MNAT1: variants seen among roughly 807,000 people sequenced by gnomAD.
MNAT1 encodes the protein CDK-activating kinase assembly factor MAT1.
In MNAT1, 43 loss-of-function variants were observed where a neutral mutation model predicts 42.0. The ratio of observed to expected loss-of-function variants is 1.02; its 90% CI spans 0.80 to 1.32. The LOEUF (loss-of-function observed/expected upper bound fraction) is 1.32, where lower values mean the gene tolerates loss of function less well. Ranked by LOEUF, MNAT1 falls within the 40% of genes most tolerant of loss-of-function variation. MNAT1 has a pLI of 0.00. For synonymous variants in MNAT1, 118 were observed against 120.0 expected (o/e 0.98, Z 0.11); for missense variants, 306 against 350.4 (o/e 0.87, Z 1.01).
intron 7 of MNAT1, among the ~76,000 whole-genome samples, chr14:60,883,143 A>G (rs2034588797): frequency 6.6e-6 from 1 of 152,078 alleles, no homozygotes; most frequent in Admixed American, 6.6e-5. Context: ...TGTTCCTCAA[A>G]AATCTTTGCC....
chr14:60,882,676 T>G lies in MNAT1; in HGVS notation c.809+2841T>G, dbSNP rs2034578147. 2.6e-5 allele frequency among the ~76,000 whole-genome samples: 4 copies of G among 152,300 alleles called. No individual in the cohort carries two copies. The South Asian group carries it at 8.3e-4, about 32-fold the overall frequency. ...CCTCGAAACTGTTCTCCATACTGGT[T>G]GTACTAATTTACATATCCACCAACA... On this transcript the variant is annotated intron_variant, in intron 7 of 7. Coordinates refer to ENST00000261245, the MANE Select transcript of MNAT1 (RefSeq NM_002431.4).
At chr14:60,909,215 G>A (rs958122872) in intron 7 of MNAT1, among the ~76,000 whole-genome samples, 15 of 151,984 alleles carry the variant, frequency 9.9e-5, no homozygotes, top group African/African-American at 3.1e-4. Flanking sequence ...TGTAGATTCT[G>A]GATATTAGCC....
chr14:60,931,944 T>G (rs754992598), intron 7 of MNAT1, among the ~76,000 whole-genome samples: 28 of 152,022 alleles, frequency 1.8e-4, no homozygotes, highest in Non-Finnish European at 3.2e-4. Flanking sequence ...TTTTGAGAAT[T>G]AAGTGTGTTA....
intron 7 of MNAT1, among the ~76,000 whole-genome samples, chr14:60,909,428 G>T (rs1349564773): frequency 6.6e-6 from 1 of 152,074 alleles, no homozygotes; most frequent in Non-Finnish European, 1.5e-5. Context: ...TATTGCCTAG[G>T]TTTTCTTCTA....
intron 7 of MNAT1, among the ~76,000 whole-genome samples, chr14:60,903,970 C>G (rs2035135609): frequency 6.8e-6 from 1 of 147,264 alleles, no homozygotes; most frequent in Non-Finnish European, 1.5e-5. Context: ...CTCCCACGTT[C>G]AAGCAATTCT....
rs570831151 is a variant in MNAT1, at chr14:60,834,836, G to A, written c.687+15989G>A. On this transcript the variant is annotated intron_variant, in intron 6 of 7. Transcript: ENST00000261245. ...GTAGGTCTCTAAGAACTTGCTTTAT[G>A]AATCTGGGTGCTCCTATATTGGGTG... is the stretch of plus-strand genomic sequence containing the variant. 1.7e-3 allele frequency among the ~76,000 whole-genome samples: 255 copies of A among 152,218 alleles called. 1 individual carries two copies. Among genetic ancestry groups the A allele is most frequent in the African/African-American group, 5.7e-3 (238 of 41,530 alleles).
At chr14:60,853,573 C>T (rs1282632175) in intron 6 of MNAT1, among the ~76,000 whole-genome samples, 1 of 152,120 alleles carries the variant, frequency 6.6e-6, no homozygotes, top group Non-Finnish European at 1.5e-5. Flanking sequence ...CCAGAACTAC[C>T]AGTACTATGT....
At chr14:60,762,377 G>A (rs1049726011) in intron 1 of MNAT1, among the ~76,000 whole-genome samples, 2 of 151,934 alleles carry the variant, frequency 1.3e-5, no homozygotes, top group Non-Finnish European at 2.9e-5. Flanking sequence ...GTGAATGATG[G>A]GAAGTATGTA....
chr14:60,899,206 G>T (rs1004879134), intron 7 of MNAT1, among the ~76,000 whole-genome samples: 1 of 152,102 alleles, frequency 6.6e-6, no homozygotes, highest in African/African-American at 2.4e-5. Context: ...GCAATACAAA[G>T]ATATAGATGC....
At chr14:60,879,981 T>C (rs1052342547) in intron 7 of MNAT1, 146 bp downstream of exon 7, 5 of 749,836 alleles carry the variant, frequency 6.7e-6, no homozygotes, top group African/African-American at 1.8e-5. Flanking sequence ...ACCAAATTGT[T>C]TTATTTAGTA....
rs756357048 is a variant in MNAT1 at position 60,898,095 on chromosome 14, TTG to T, written c.809+18305_809+18306del. 9.2e-3 allele frequency among the ~76,000 whole-genome samples: 1,320 copies of T among 143,760 alleles called. 47 individuals carry two copies. The highest frequency in any genetic ancestry group is 0.073 in the East Asian group (354 of 4,834). The allele number at this position is 143,760 out of a possible 152,430, so 94.3% of individuals were successfully genotyped here. ...CTTTGAATGGCTAAATAGTAATACA[TTG>T]TGTGTGTGTGTGTGTGTGTGTGTGT... On this transcript the variant is annotated intron_variant, in intron 7 of 7. Coordinates refer to ENST00000261245, the MANE Select transcript of MNAT1 (RefSeq NM_002431.4).
At chr14:60,917,583 A>G (rs1316382422) in intron 7 of MNAT1, among the ~76,000 whole-genome samples, 1 of 152,020 alleles carries the variant, frequency 6.6e-6, no homozygotes, top group African/African-American at 2.4e-5. Flanking sequence ...CCATATTTCA[A>G]ATACATCTCT....
At chr14:60,768,003 A>G (rs1290066658) in intron 1 of MNAT1, among the ~76,000 whole-genome samples, 1 of 152,082 alleles carries the variant, frequency 6.6e-6, no homozygotes, top group Non-Finnish European at 1.5e-5. Flanking sequence ...TGAACTTATG[A>G]TCTGCCTGCC....
chr14:60,802,956 G>A lies in MNAT1; in HGVS notation c.316+4796G>A, dbSNP rs142962969. On this transcript the variant is annotated intron_variant, in intron 3 of 7. Transcript: ENST00000261245. The stretch of plus-strand genomic sequence containing the variant: ...CTTTTTTTTTTTTTTTTTTTGAGAC[G>A]GAGTTTCGCTCTGTCGCCCAGGCTG... 5.2e-3 allele frequency among the ~76,000 whole-genome samples: 742 copies of A among 143,936 alleles called. 6 individuals are homozygous for A. Among genetic ancestry groups the A allele is most frequent in the African/African-American group, 0.018 (701 of 38,898 alleles). The allele number at this position is 143,936 out of a possible 152,430, so 94.4% of individuals were successfully genotyped here.
chr14:60,762,328 T>G (rs1403317899), intron 1 of MNAT1, among the ~76,000 whole-genome samples: 1 of 152,154 alleles, frequency 6.6e-6, no homozygotes, highest in Non-Finnish European at 1.5e-5. Flanking sequence ...TAATATCTTA[T>G]GATGGATTAT....
At chr14:60,928,129 G>A (rs1312582324) in intron 7 of MNAT1, among the ~76,000 whole-genome samples, 1 of 152,122 alleles carries the variant, frequency 6.6e-6, no homozygotes, top group East Asian at 1.9e-4. Flanking sequence ...TCATAAGTAT[G>A]TGGTTTTTGT....
chr14:60,792,758 TA>T (rs1297153306), intron 1 of MNAT1, among the ~76,000 whole-genome samples: 2 of 152,198 alleles, frequency 1.3e-5, no homozygotes, highest in Non-Finnish European at 2.9e-5. Context: ...TAAAATCTGC[TA>T]AAAATATGTC....
intron 1 of MNAT1, among the ~76,000 whole-genome samples, chr14:60,739,892 G>A (rs1422992632): frequency 1.3e-5 from 2 of 152,154 alleles, no homozygotes; most frequent in Non-Finnish European, 2.9e-5. Context: ...AGTGGCTTAC[G>A]CCTGTAATCC....
At position 60,754,129 on chromosome 14, in the gene MNAT1, A is replaced by C. The variant is rs937582241; in HGVS notation, c.89+19178A>C. On this transcript the variant is annotated intron_variant, in intron 1 of 7. Transcript: ENST00000261245. ...GCAGCCCCAGCTGATATCTTGACAA[A>C]TAAGCTGCTCCTGGATTCCTGACAC... is the stretch of plus-strand genomic sequence containing the variant. 1.1e-4 allele frequency among the ~76,000 whole-genome samples: 17 copies of C among 152,216 alleles called. 1 individual carries two copies. The highest frequency in any genetic ancestry group is 1.3e-4 in the Non-Finnish European group (9 of 68,044).
Sources: allele counts gnomAD v4.1 joint callset (sites outside exome capture counted in the v4.1 genomes callset), GRCh38; gene constraint gnomAD v4.1.1; transcripts MANE v1.5; gene names NCBI Gene and HGNC (gene_info 2026-07-23, HGNC 2026-07-21).